The following RNF122 variants were observed in gnomAD, a reference collection of about 807,000 sequenced individuals.
The protein encoded by RNF122 is ring finger protein 122.
In RNF122, 17 loss-of-function variants were observed where a neutral mutation model predicts 24.2. The ratio of observed to expected loss-of-function variants is 0.70; its 90% CI spans 0.48 to 1.06. The LOEUF is 1.06. RNF122 is among the 50% of genes least tolerant of loss of function. RNF122 has a pLI of 0.00. For missense variants in RNF122, 168 were observed against 198.1 expected (o/e 0.85, Z 0.91); for synonymous variants, 65 against 71.8 (o/e 0.91, Z 0.48).
At chr8:33,561,844 G>A (rs530420055) in intron 1 of RNF122, among the ~76,000 whole-genome samples, 41 of 152,132 alleles carry the variant, frequency 2.7e-4, no homozygotes, top group African/African-American at 8.4e-4. Context: ...ACTGTGCCCC[G>A]CCCTCTCCTT....
Position 33,547,900 on chromosome 8 carries a change from G to T in RNF122, c.*853C>A, listed in dbSNP as rs1810308848. 7.4e-6 allele frequency: 1 copy of T among 135,206 alleles called. No homozygotes were observed. Among genetic ancestry groups the T allele is most frequent in the Non-Finnish European group, 1.5e-5 (1 of 64,946 alleles). 8.4% of individuals were successfully genotyped at this position (135,206 alleles called of 1,614,324 possible). On this transcript the variant is annotated 3_prime_UTR_variant, in exon 6 of 6. Coordinates refer to ENST00000256257, the MANE Select transcript of RNF122 (RefSeq NM_024787.3). ...CTAAAGCCTGAGAGGCGAGGATGAA[G>T]TATAAAAATACTATTTACAAAGGGA...
intron 2 of RNF122, among the ~76,000 whole-genome samples, chr8:33,552,169 G>A (rs1240100104): frequency 6.6e-6 from 1 of 152,100 alleles, no homozygotes; most frequent in African/African-American, 2.4e-5. Flanking sequence ...CAGCACTTTG[G>A]GAGGCCGAGG....
intron 2 of RNF122, among the ~76,000 whole-genome samples, chr8:33,557,923 A>G (rs993199905): frequency 6.6e-6 from 1 of 152,126 alleles, no homozygotes; most frequent in African/African-American, 2.4e-5. Flanking sequence ...TGGGTGGATC[A>G]CTTGAGCTCA....
At chr8:33,561,943 A>G (rs1465918073) in intron 1 of RNF122, among the ~76,000 whole-genome samples, 3 of 152,198 alleles carry the variant, frequency 2.0e-5, no homozygotes, top group East Asian at 3.9e-4. Flanking sequence ...TTCCTACTTA[A>G]AAGTTCTCCA....
chr8:33,552,787 G>C (rs1458606512), intron 2 of RNF122, among the ~76,000 whole-genome samples: 1 of 152,116 alleles, frequency 6.6e-6, no homozygotes, highest in Non-Finnish European at 1.5e-5. Context: ...GGTTGGGTGG[G>C]ATGGCTCATG....
chr8:33,558,100 A>C (rs1810482886), intron 2 of RNF122, among the ~76,000 whole-genome samples: 1 of 152,178 alleles, frequency 6.6e-6, no homozygotes, highest in East Asian at 1.9e-4. Context: ...CTGAGATTGC[A>C]CTCCAGCCTG....
chr8:33,554,518 C>T (rs13439478), intron 2 of RNF122, among the ~76,000 whole-genome samples: 21,667 of 152,058 alleles, frequency 0.14, 3,239 homozygotes, highest in African/African-American at 0.38. Flanking sequence ...ATCCTGCATA[C>T]AGATTTCAGC....
intron 1 of RNF122, among the ~76,000 whole-genome samples, chr8:33,561,576 T>C (rs528722746): frequency 2.0e-5 from 3 of 152,010 alleles, no homozygotes; most frequent in East Asian, 3.9e-4. Flanking sequence ...AGTCTTGCAT[T>C]GTGTCACCCA....
chr8:33,551,381 C>T lies in RNF122; in HGVS notation c.191G>A (p.Arg64Gln), dbSNP rs760602508. ...IFCCYFISKL[R>Q]NQAQSERYGY... ...GTATCGCTCACTCTGTGCCTGGTTC[C>T]GCAGTTTGCTGGGAGAAAGAGAAAA... Residue 64 changes from arginine (R) to glutamine (Q), a missense_variant, in exon 3 of 6, where the codon CGG becomes CAG. Transcript: ENST00000256257. The T allele has an allele frequency of 1.4e-5, 22 of 1,613,966 alleles. No homozygotes were observed. Among genetic ancestry groups the T allele is most frequent in the Middle Eastern group, 1.6e-4 (1 of 6,080 alleles).
intron 1 of RNF122, among the ~76,000 whole-genome samples, chr8:33,560,867 T>C (rs1207700584): frequency 1.3e-5 from 2 of 151,624 alleles, no homozygotes; most frequent in Non-Finnish European, 2.9e-5. Context: ...GAGGTGGAGG[T>C]TGCAAGTGAG....
chr8:33,555,686 G>A (rs531629331), intron 2 of RNF122, among the ~76,000 whole-genome samples: 30 of 152,340 alleles, frequency 2.0e-4, no homozygotes, highest in Non-Finnish European at 8.8e-5. Flanking sequence ...CAAGACCCTA[G>A]CTCATTGCTA....
intron 1 of RNF122, 24 bp from the exon 2 acceptor site, chr8:33,558,795 T>G: frequency 7.4e-7 from 1 of 1,342,496 alleles, no homozygotes; most frequent in Non-Finnish European, 1.0e-6. Context: ...GAAAAAAAAA[T>G]CATTAGGGTT....
At chr8:33,563,574 C>T (rs1810573292) in intron 1 of RNF122, among the ~76,000 whole-genome samples, 2 of 152,174 alleles carry the variant, frequency 1.3e-5, no homozygotes, top group Middle Eastern at 3.2e-3. Flanking sequence ...CCAGTCCCCA[C>T]CCAAATATTT....
chr8:33,560,789 G>T (rs1222584052), intron 1 of RNF122, among the ~76,000 whole-genome samples: 1 of 151,938 alleles, frequency 6.6e-6, no homozygotes. Flanking sequence ...AATTAGCTGG[G>T]CATGGTTGCA....
chr8:33,550,691 C>T (rs1431116526), intron 4 of RNF122, among the ~76,000 whole-genome samples: 4 of 152,060 alleles, frequency 2.6e-5, no homozygotes, highest in Admixed American at 6.6e-5. Flanking sequence ...ATGATAACAA[C>T]CAGGATGTAG....
intron 2 of RNF122, among the ~76,000 whole-genome samples, chr8:33,555,890 G>A (rs915985303): frequency 1.3e-5 from 2 of 152,112 alleles, no homozygotes; most frequent in Admixed American, 6.6e-5. Flanking sequence ...GCTAAAGGCC[G>A]GGCACGGTGG....
At chr8:33,559,443 C>T (rs1810506939) in intron 1 of RNF122, among the ~76,000 whole-genome samples, 1 of 152,108 alleles carries the variant, frequency 6.6e-6, no homozygotes, top group African/African-American at 2.4e-5. Flanking sequence ...CCCTAGCTAG[C>T]CATATGACCG....
intron 2 of RNF122, among the ~76,000 whole-genome samples, chr8:33,555,847 G>C (rs1366814116): frequency 6.6e-6 from 1 of 152,100 alleles, no homozygotes; most frequent in Non-Finnish European, 1.5e-5. Flanking sequence ...TGACCACAAT[G>C]CCTGGCCTAT....
intron 1 of RNF122, among the ~76,000 whole-genome samples, 190 bp downstream of exon 1, chr8:33,566,509 G>A (rs542391622): frequency 2.6e-5 from 4 of 152,326 alleles, no homozygotes; most frequent in African/African-American, 9.6e-5. Context: ...GCTCTGGAGT[G>A]AAACCTGGAT....
Sources: allele counts gnomAD v4.1 joint callset (sites outside exome capture counted in the v4.1 genomes callset), GRCh38; gene constraint gnomAD v4.1.1; transcripts MANE v1.5; gene names NCBI Gene and HGNC (gene_info 2026-07-23, HGNC 2026-07-21).